Variants in LIMCH1 observed in about 807,000 individuals in gnomAD.
LIMCH1 encodes LIM and calponin homology domains 1.
LIMCH1 carries 113 observed loss-of-function variants against 176.5 expected under a neutral mutation model. The ratio of observed to expected loss-of-function variants is 0.64; its 90% CI spans 0.55 to 0.75. The LOEUF is 0.75. Among genes scored for constraint, LIMCH1 ranks in the 30% least tolerant of loss-of-function variants. The pLI, the probability that LIMCH1 is intolerant of heterozygous loss-of-function variation, is 0.00. For synonymous variants in LIMCH1, 619 were observed against 645.9 expected, an observed-to-expected ratio of 0.96 and a Z score of 0.63; for missense variants, 1,674 against 1,814.9, an observed-to-expected ratio of 0.92 and a Z score of 1.41.
At chr4:41,669,638 T>C (rs1301703715) in intron 21 of LIMCH1, among the ~76,000 whole-genome samples, 2 of 152,232 alleles carry the variant, frequency 1.3e-5, no homozygotes, top group Non-Finnish European at 2.9e-5. Flanking sequence ...GCACCAAAAA[T>C]ATCACTGATT....
chr4:41,430,270 A>C (rs991178776), intron 1 of LIMCH1, among the ~76,000 whole-genome samples: 1 of 152,052 alleles, frequency 6.6e-6, no homozygotes, highest in African/African-American at 2.4e-5. Context: ...ATATTTATCT[A>C]TTTATTTTTT....
intron 1 of LIMCH1, among the ~76,000 whole-genome samples, chr4:41,422,169 T>C (rs573098670): frequency 1.5e-3 from 227 of 152,282 alleles, no homozygotes; most frequent in Non-Finnish European, 2.2e-3. Context: ...TCGTCAAATA[T>C]ACCTGAAACT....
chr4:41,378,133 G>A (rs2055051623), intron 1 of LIMCH1, among the ~76,000 whole-genome samples: 2 of 152,196 alleles, frequency 1.3e-5, no homozygotes, highest in African/African-American at 4.8e-5. Context: ...GCATGGAGGT[G>A]TGTGGTAGCA....
chr4:41,685,571 T>C, intron 27 of LIMCH1, 139 bp from the exon 28 acceptor site: 1 of 965,780 alleles, frequency 1.0e-6, no homozygotes, highest in African/African-American at 1.7e-5. Context: ...AAGTGGCCTC[T>C]CTAACCACCA....
intron 2 of LIMCH1, among the ~76,000 whole-genome samples, chr4:41,514,005 T>TAAAAAAAAAAAA (rs71198665): frequency 2.1e-4 from 10 of 48,526 alleles, no homozygotes; most frequent in South Asian, 1.0e-3. Context: ...GACTCCGTCT[T>TAAAAAAAAAAAA]AAAAAAAAAA....
At chr4:41,664,197 G>A (rs1162972498) in intron 20 of LIMCH1, among the ~76,000 whole-genome samples, 1 of 152,204 alleles carries the variant, frequency 6.6e-6, no homozygotes, top group Admixed American at 6.5e-5. Context: ...CCGTAGTGGT[G>A]TACCACCTTT....
intron 1 of LIMCH1, among the ~76,000 whole-genome samples, chr4:41,413,613 T>C (rs1357842631): frequency 3.3e-5 from 5 of 151,938 alleles, no homozygotes; most frequent in Non-Finnish European, 7.4e-5. Context: ...CCTGGGATAA[T>C]AGATGTGACC....
At chr4:41,443,819 A>G (rs191596456) in intron 1 of LIMCH1, among the ~76,000 whole-genome samples, 19 of 152,328 alleles carry the variant, frequency 1.2e-4, no homozygotes, top group African/African-American at 3.6e-4. Flanking sequence ...GAAGGATGTG[A>G]GGGAGTTTGC....
intron 7 of LIMCH1, among the ~76,000 whole-genome samples, chr4:41,621,796 A>T (rs2092602277): frequency 6.6e-6 from 1 of 152,152 alleles, no homozygotes; most frequent in East Asian, 1.9e-4. Flanking sequence ...AGTGACTTGC[A>T]GAGCTGGTCA....
At chr4:41,616,846 C>T (rs2092137653) in intron 5 of LIMCH1, among the ~76,000 whole-genome samples, 1 of 152,098 alleles carries the variant, frequency 6.6e-6, no homozygotes, top group Admixed American at 6.5e-5. Flanking sequence ...ATCCCAGGGT[C>T]ACACAGCTAG....
At chr4:41,470,692 T>G (rs986927464) in intron 1 of LIMCH1, among the ~76,000 whole-genome samples, 1 of 152,190 alleles carries the variant, frequency 6.6e-6, no homozygotes, top group Non-Finnish European at 1.5e-5. Context: ...ATTTGGACTA[T>G]TAACCACGCC....
intron 2 of LIMCH1, among the ~76,000 whole-genome samples, chr4:41,506,889 T>C (rs777525822): frequency 6.6e-6 from 1 of 152,196 alleles, no homozygotes; most frequent in Non-Finnish European, 1.5e-5. Flanking sequence ...TAATACAGAC[T>C]ACACAGGTTA....
intron 1 of LIMCH1, among the ~76,000 whole-genome samples, chr4:41,469,413 A>G (rs1164019695): frequency 6.6e-6 from 1 of 152,174 alleles, no homozygotes; most frequent in African/African-American, 2.4e-5. Flanking sequence ...CTTCTCTAGA[A>G]TGTCCTCCTG....
chr4:41,559,339 G>A (rs1298852833), intron 1 of LIMCH1, among the ~76,000 whole-genome samples: 3 of 152,000 alleles, frequency 2.0e-5, no homozygotes, highest in African/African-American at 4.8e-5. Flanking sequence ...GAAGAAGGGT[G>A]CCTCCTCCCT....
At chr4:41,477,176 G>T (rs1293518236) in intron 1 of LIMCH1, among the ~76,000 whole-genome samples, 1 of 152,154 alleles carries the variant, frequency 6.6e-6, no homozygotes, top group African/African-American at 2.4e-5. Flanking sequence ...TTACTTAATG[G>T]TCTGTACTTT....
intron 1 of LIMCH1, chr4:41,389,012 G>A (rs1372900484): frequency 6.6e-6 from 1 of 152,238 alleles, no homozygotes; most frequent in Non-Finnish European, 1.5e-5. Flanking sequence ...AAATTGGTAA[G>A]ATATCTATAG....
chr4:41,638,104 TG>T (rs71600595), intron 13 of LIMCH1, among the ~76,000 whole-genome samples: 41,101 of 139,370 alleles, frequency 0.29, 5,892 homozygotes, highest in African/African-American at 0.39. Context: ...TGTGTTGTTT[TG>T]TTGTTGTTGT....
intron 3 of LIMCH1, among the ~76,000 whole-genome samples, chr4:41,528,000 A>G (rs1244176665): frequency 6.6e-6 from 1 of 152,166 alleles, no homozygotes; most frequent in Non-Finnish European, 1.5e-5. Context: ...ATATAAATTG[A>G]GTATTAGATA....
chr4:41,687,814 T>G, intron 28 of LIMCH1, 26 bp from the exon 29 acceptor site: 1 of 1,509,094 alleles, frequency 6.6e-7, no homozygotes, highest in Admixed American at 1.7e-5. Flanking sequence ...CTTGTCATAA[T>G]TTTTGACTCC....
Sources: gnomAD v4.1 joint callset for allele counts (sites outside exome capture counted in the v4.1 genomes callset) on GRCh38, gnomAD v4.1.1 for gene constraint, MANE v1.5 for transcripts, NCBI Gene and HGNC (gene_info 2026-07-23, HGNC 2026-07-21) for gene names.